PDE4DIP: variants seen among roughly 807,000 people sequenced by gnomAD.
PDE4DIP encodes the protein myomegalin.
PDE4DIP carries 59 observed loss-of-function variants against 221.4 expected under a neutral mutation model. The ratio of observed to expected loss-of-function variants is 0.27; its 90% CI spans 0.22 to 0.33. PDE4DIP has a LOEUF of 0.33. Among genes scored for constraint, PDE4DIP ranks in the 10% least tolerant of loss-of-function variants. The pLI, the probability that PDE4DIP is intolerant of heterozygous loss-of-function variation, is 1.00. For synonymous variants in PDE4DIP, 404 were observed against 815.9 expected (o/e 0.50, Z 8.60); for missense variants, 1,036 against 2,154.2 (o/e 0.48, Z 10.28).
chr1:148,959,922 AT>A (rs1266072210), intron 5 of PDE4DIP, among the ~76,000 whole-genome samples: 2 of 151,446 alleles, frequency 1.3e-5, no homozygotes, highest in African/African-American at 4.8e-5. Context: ...AAGAACTCCC[AT>A]ATACCCTTTA....
intron 9 of PDE4DIP, among the ~76,000 whole-genome samples, chr1:148,963,748 C>CTTTTTTTTTTTTTTTTT (rs66921099): frequency 1.1e-5 from 1 of 89,098 alleles, no homozygotes; most frequent in Non-Finnish European, 2.1e-5. Flanking sequence ...TTCTTTCCTT[C>CTTTTTTTTTTTTTTTTT]TTTTTTTTTT....
chr1:148,815,309 T>C (rs1336337045), intron 1 of PDE4DIP, among the ~76,000 whole-genome samples: 4 of 141,310 alleles, frequency 2.8e-5, no homozygotes, highest in Non-Finnish European at 6.2e-5. Context: ...CCAGCACTTT[T>C]GGAGGCCGAG....
intron 21 of PDE4DIP, chr1:148,984,886 G>T (rs868932949): frequency 6.6e-6 from 1 of 151,896 alleles, no homozygotes; most frequent in Admixed American, 6.6e-5. Context: ...TCTTTTTATA[G>T]AAAACAGTCA....
chr1:148,975,216 A>G (rs1202604865), intron 17 of PDE4DIP, among the ~76,000 whole-genome samples: 4 of 148,046 alleles, frequency 2.7e-5, no homozygotes, highest in Admixed American at 2.0e-4. Context: ...CACTGGTGAA[A>G]AAAGGAAGCG....
At chr1:148,828,942 A>G (rs1671307664) in intron 1 of PDE4DIP, among the ~76,000 whole-genome samples, 1 of 150,770 alleles carries the variant, frequency 6.6e-6, no homozygotes, top group Non-Finnish European at 1.5e-5. Context: ...GAATGAATGA[A>G]CGAATGAATG....
At chr1:149,020,799 A>T (rs1445413626) in intron 36 of PDE4DIP, 102 of 540,586 alleles carry the variant, frequency 1.9e-4, no homozygotes, top group Non-Finnish European at 2.5e-4. Context: ...TAATGTAGGT[A>T]ATGGTGTGTT....
chr1:148,944,213 C>T (rs1434818950), intron 5 of PDE4DIP, among the ~76,000 whole-genome samples: 1 of 152,232 alleles, frequency 6.6e-6, no homozygotes, highest in South Asian at 2.1e-4. Flanking sequence ...TTTGGTGGTA[C>T]TCAGAAAGGC....
chr1:148,828,855 A>T (rs1671276156), intron 1 of PDE4DIP, among the ~76,000 whole-genome samples: 1 of 151,362 alleles, frequency 6.6e-6, no homozygotes, highest in Admixed American at 6.6e-5. Flanking sequence ...TGGCTGACAG[A>T]CAAGGCTAAC....
chr1:148,820,555 C>CAAAAAAAAAAA (rs148261220), intron 1 of PDE4DIP, among the ~76,000 whole-genome samples: 5 of 39,346 alleles, frequency 1.3e-4, no homozygotes, highest in Admixed American at 3.5e-4. Context: ...AACTCCATCT[C>CAAAAAAAAAAA]AAAAAAAAAA....
At chr1:148,813,987 C>CT (rs201172392) in intron 1 of PDE4DIP, among the ~76,000 whole-genome samples, 273 of 21,298 alleles carry the variant, frequency 0.013, 5 homozygotes, top group African/African-American at 0.075. Context: ...GAGTCTAACT[C>CT]TGTTGCCCAG....
chr1:148,981,205 A>G, intron 20 of PDE4DIP, 65 bp from the exon 24 acceptor site: 2 of 1,511,876 alleles, frequency 1.3e-6, no homozygotes, highest in Non-Finnish European at 1.8e-6. Flanking sequence ...TTCTTTGGAA[A>G]CAAATGTGGA....
At chr1:148,932,919 C>T (rs1373189033) in intron 4 of PDE4DIP, among the ~76,000 whole-genome samples, 1 of 152,092 alleles carries the variant, frequency 6.6e-6, no homozygotes, top group Non-Finnish European at 1.5e-5. Context: ...TAAAAGAGAC[C>T]CCAGAGAGCT....
intron 19 of PDE4DIP, 21 bp downstream of exon 22, chr1:148,978,436 C>T (rs1553539690): frequency 4.1e-6 from 6 of 1,467,734 alleles, no homozygotes. Flanking sequence ...GGAATATAAA[C>T]CTTATTTATT....
chr1:149,030,856 T>C (rs77942090), intron 43 of PDE4DIP: 21 of 927,344 alleles, frequency 2.3e-5, no homozygotes, highest in Non-Finnish European at 2.7e-5. Context: ...AAAAATGTTA[T>C]ATATGTACCA....
exon 24 of PDE4DIP, chr1:149,002,010 C>G: frequency 1.2e-6 from 1 of 832,348 alleles, no homozygotes; most frequent in Admixed American, 1.9e-5. Flanking sequence ...GCTACCTTCA[C>G]AGTGGATGCC....
At chr1:148,815,076 A>G (rs1372794795) in intron 1 of PDE4DIP, among the ~76,000 whole-genome samples, 5 of 116,390 alleles carry the variant, frequency 4.3e-5, no homozygotes, top group Non-Finnish European at 9.0e-5. Flanking sequence ...ACAGTAAGGT[A>G]GATCTCAGAT....
intron 26 of PDE4DIP, 141 bp downstream of exon 29, chr1:149,003,871 CTGAGTA>C (rs1382032614): frequency 1.2e-5 from 6 of 491,482 alleles, no homozygotes; most frequent in South Asian, 1.0e-4. Context: ...CAAAATGAGG[CTGAGTA>C]TAAGTTTGAA....
chr1:148,986,763 A>G (rs2061977078), intron 21 of PDE4DIP, among the ~76,000 whole-genome samples: 1 of 152,218 alleles, frequency 6.6e-6, no homozygotes, highest in Non-Finnish European at 1.5e-5. Flanking sequence ...AATAGCAGAA[A>G]GCACGACAGA....
chr1:148,823,592 G>A (rs1285885190), intron 1 of PDE4DIP, among the ~76,000 whole-genome samples: 1 of 150,224 alleles, frequency 6.7e-6, no homozygotes, highest in African/African-American at 2.5e-5. Context: ...ATGTTAACAT[G>A]AGCAGTGACC....
Sources: gnomAD v4.1 joint callset for allele counts (sites outside exome capture counted in the v4.1 genomes callset) on GRCh38, gnomAD v4.1.1 for gene constraint, MANE v1.5 for transcripts, NCBI Gene and HGNC (gene_info 2026-07-23, HGNC 2026-07-21) for gene names.